Variants in ZNF831 observed in about 807,000 individuals in gnomAD.
ZNF831 encodes the protein zinc finger protein 831.
ZNF831 carries 59 observed loss-of-function variants against 95.8 expected under a neutral mutation model. That is an observed-to-expected ratio of 0.62 (90% confidence interval 0.50 to 0.77). The LOEUF (loss-of-function observed/expected upper bound fraction) is 0.77. Ranked by LOEUF, ZNF831 falls within the 30% of genes least tolerant of loss-of-function variation. The pLI is 0.00. For missense variants in ZNF831, 2,205 were observed against 2,164.0 expected, an observed-to-expected ratio of 1.02 and a Z score of -0.38; for synonymous variants, 961 against 925.5, an observed-to-expected ratio of 1.04 and a Z score of -0.70.
chr20:59,232,063 C>T (rs1986753969), intron 4 of ZNF831, among the ~76,000 whole-genome samples: 1 of 152,176 alleles, frequency 6.6e-6, no homozygotes, highest in South Asian at 2.1e-4. Context: ...CCCGTACACC[C>T]TTCCAGAAAG....
At chr20:59,216,486 C>G (rs141515742) in intron 4 of ZNF831, among the ~76,000 whole-genome samples, 1 of 152,138 alleles carries the variant, frequency 6.6e-6, no homozygotes, top group East Asian at 1.9e-4. Context: ...GGCGTGATCT[C>G]GGCTCACTGC....
At chr20:59,203,941 C>T (rs1226248167) in intron 3 of ZNF831, among the ~76,000 whole-genome samples, 3 of 152,232 alleles carry the variant, frequency 2.0e-5, no homozygotes, top group East Asian at 3.9e-4. Context: ...AAAGCAAGCG[C>T]GGGATCATGG....
chr20:59,225,539 C>A (rs1986370991), intron 4 of ZNF831, among the ~76,000 whole-genome samples: 1 of 152,210 alleles, frequency 6.6e-6, no homozygotes, highest in South Asian at 2.1e-4. Context: ...TTGGAAATGC[C>A]TCTTTATAGA....
rs1287214358 is a variant in ZNF831 at position 59,169,898 on chromosome 20, T to C, written c.-37+5691T>C. ...CTGGGCAATAGAGCAAGACTCTGTCTCAAAAAAAAAAGGTGAATTTTATTA... is the reference window on the plus strand; with the variant it reads ...CTGGGCAATAGAGCAAGACTCTGTCCCAAAAAAAAAAGGTGAATTTTATTA... On this transcript the variant is annotated intron_variant, in intron 1 of 5. Transcript: ENST00000371030. The surrounding 1 kb of genome is among the most constrained non-coding windows in gnomAD (Gnocchi z 4.1). Among the ~76,000 whole-genome samples, 1 of 146,944 alleles carries C rather than the reference T, an allele frequency of 6.8e-6. No individual in the cohort carries two copies. The highest frequency in any genetic ancestry group is 6.7e-5 in the Admixed American group (1 of 14,934).
In ZNF831 at chr20:59,211,779, T is replaced by TTGTGTGTGTGTGTGTGTGTGTG. The variant is rs11472424; in HGVS notation, c.4027+4731_4027+4752dup. 1.2e-3 allele frequency among the ~76,000 whole-genome samples: 173 copies of TTGTGTGTGTGTGTGTGTGTGTG among 146,776 alleles called. 1 individual carries two copies. The highest frequency in any genetic ancestry group is 4.2e-3 in the African/African-American group (168 of 39,866). ...TGCGTCCTCGGTGAGGGAGCTGACC[T>TTGTGTGTGTGTGTGTGTGTGTG]TGTGTGTGTGTGTGTGTGTGTGTGT... On this transcript the variant is annotated intron_variant, in intron 4 of 5. Transcript: ENST00000371030.
At chr20:59,246,326 A>G (rs745821021) in intron 4 of ZNF831, among the ~76,000 whole-genome samples, 1 of 152,222 alleles carries the variant, frequency 6.6e-6, no homozygotes, top group Non-Finnish European at 1.5e-5. Flanking sequence ...GCTGAAACAG[A>G]ATAATTTCTC....
At chr20:59,215,291 G>A (rs1313014425) in intron 4 of ZNF831, among the ~76,000 whole-genome samples, 2 of 152,234 alleles carry the variant, frequency 1.3e-5, no homozygotes, top group Non-Finnish European at 2.9e-5. Flanking sequence ...TTGGAACAGT[G>A]AAGAGGAGCT....
chr20:59,218,329 T>G (rs1213931567), intron 4 of ZNF831, among the ~76,000 whole-genome samples: 1 of 152,242 alleles, frequency 6.6e-6, no homozygotes, highest in Admixed American at 6.5e-5. Flanking sequence ...CCTGGTTATC[T>G]TATTTTGAAA....
intron 1 of ZNF831, among the ~76,000 whole-genome samples, chr20:59,183,065 G>A (rs1201390559): frequency 1.3e-5 from 2 of 152,224 alleles, no homozygotes; most frequent in East Asian, 1.9e-4. Context: ...TCAATGTGGG[G>A]CCATTTACCA....
chr20:59,132,422 G>A (rs1331411311), intron 1 of ZNF831, among the ~76,000 whole-genome samples: 1 of 151,846 alleles, frequency 6.6e-6, no homozygotes, highest in African/African-American at 2.4e-5. Flanking sequence ...TTGCCAAGCT[G>A]GTCTCCAGAA....
In ZNF831 at chr20:59,217,380, A is replaced by T. The variant is rs1052278684; in HGVS notation, c.4027+10324A>T. Among the ~76,000 whole-genome samples the T allele has an allele frequency of 6.6e-6, 1 of 152,262 alleles. No homozygotes were observed. The highest frequency in any genetic ancestry group is 2.4e-5 in the African/African-American group (1 of 41,476). On this transcript the variant is annotated intron_variant, in intron 4 of 5. Transcript: ENST00000371030. The surrounding 1 kb of genome is among the most constrained non-coding windows in gnomAD (Gnocchi z 4.4). ...TCTCCTATTAACGAAGAGTTTGGTCATCACCAGTGTTTCACACTTGCATCA... is the reference window on the plus strand; with the variant it reads ...TCTCCTATTAACGAAGAGTTTGGTCTTCACCAGTGTTTCACACTTGCATCA...
chr20:59,219,387 T>C (rs1370527179), intron 4 of ZNF831, among the ~76,000 whole-genome samples: 1 of 152,120 alleles, frequency 6.6e-6, no homozygotes, highest in Non-Finnish European at 1.5e-5. Flanking sequence ...GAACATGACA[T>C]GGCCCTTGTC....
At chr20:59,124,090 G>A (rs1281039953) in intron 1 of ZNF831, among the ~76,000 whole-genome samples, 2 of 152,146 alleles carry the variant, frequency 1.3e-5, no homozygotes, top group South Asian at 2.1e-4. Flanking sequence ...GGACTCCTAC[G>A]CAAAATAATC....
At chr20:59,128,418 G>A (rs1184387913) in intron 1 of ZNF831, among the ~76,000 whole-genome samples, 1 of 152,178 alleles carries the variant, frequency 6.6e-6, no homozygotes, top group Non-Finnish European at 1.5e-5. Flanking sequence ...GGCCAGGGAA[G>A]GCCTCTCTGA....
intron 4 of ZNF831, among the ~76,000 whole-genome samples, chr20:59,222,434 C>T (rs541479653): frequency 6.6e-6 from 1 of 151,966 alleles, no homozygotes; most frequent in Non-Finnish European, 1.5e-5. Context: ...CCGCCCCCGC[C>T]GGCGCCAAGC....
At chr20:59,195,759 G>T (rs1011559036) in intron 2 of ZNF831, 110 bp from the exon 3 acceptor site, 1 of 1,507,046 alleles carries the variant, frequency 6.6e-7, no homozygotes, top group Non-Finnish European at 8.8e-7. Context: ...CAGTATTTCC[G>T]TTTTGATTTC....
chr20:59,211,687 C>T (rs1985341321), intron 4 of ZNF831, among the ~76,000 whole-genome samples: 1 of 152,138 alleles, frequency 6.6e-6, no homozygotes, highest in Admixed American at 6.5e-5. Context: ...CCTGGCGGTC[C>T]ACCACTTATA....
rs765233685 is a variant in ZNF831, at chr20:59,193,793, C to A, written c.2774C>A (p.Ala925Asp). Residue 925 changes from alanine (A) to aspartate (D), a missense_variant, in exon 2 of 6, where the codon GCT (alanine) becomes GAT (aspartate). Transcript: ENST00000371030. The stretch of plus-strand genomic sequence containing the variant: ...CCCTCGCTGGCCACCCCACCTCAGG[C>A]TCCTAGAGTGCTCTCTGCCCTGGCA... ...EHPSLATPPQ[A>D]PRVLSALADN... The A allele has an allele frequency of 6.2e-7, 1 of 1,610,092 alleles. No individual in the cohort carries two copies. The highest frequency in any genetic ancestry group is 8.5e-7 in the Non-Finnish European group (1 of 1,177,944).
At chr20:59,142,296 G>C (rs1043826552) in intron 1 of ZNF831, among the ~76,000 whole-genome samples, 4 of 152,150 alleles carry the variant, frequency 2.6e-5, no homozygotes, top group African/African-American at 7.2e-5. Flanking sequence ...CCTCATGGTG[G>C]GAAGCACTTG....
Sources: allele counts gnomAD v4.1 joint callset (sites outside exome capture counted in the v4.1 genomes callset), GRCh38; gene constraint gnomAD v4.1.1; non-coding constraint Gnocchi (gnomAD v3.1); transcripts MANE v1.5; gene names NCBI Gene and HGNC (gene_info 2026-07-23, HGNC 2026-07-21).